PDE1C: variants seen among roughly 807,000 people sequenced by gnomAD.
PDE1C encodes phosphodiesterase 1C, also known as dual specificity calcium/calmodulin-dependent 3',5'-cyclic nucleotide phosphodiesterase 1C.
In PDE1C, 62 loss-of-function variants were observed where a neutral mutation model predicts 93.1. The ratio of observed to expected loss-of-function variants is 0.67; its 90% confidence interval spans 0.54 to 0.82. The LOEUF is 0.82. Among genes scored for constraint, PDE1C ranks in the 40% least tolerant of loss-of-function variants. The probability of loss-of-function intolerance (pLI) is 0.00; values close to 1 mark genes in which losing one functional copy is unlikely to be tolerated. For synonymous variants in PDE1C, 325 were observed against 310.1 expected (o/e 1.05, Z -0.50); for missense variants, 742 against 884.6 (o/e 0.84, Z 2.04).
chr7:32,221,092 C>G (rs904862112), intron 1 of PDE1C, among the ~76,000 whole-genome samples: 2 of 152,214 alleles, frequency 1.3e-5, no homozygotes, highest in Non-Finnish European at 2.9e-5. Context: ...TTGAGGACAA[C>G]TGTCATGAAC....
intron 2 of PDE1C, among the ~76,000 whole-genome samples, chr7:31,964,828 C>G (rs1222386479): frequency 6.6e-6 from 1 of 152,198 alleles, no homozygotes; most frequent in Non-Finnish European, 1.5e-5. Context: ...GCCACCGTTG[C>G]TGATACCCAG....
intron 1 of PDE1C, among the ~76,000 whole-genome samples, chr7:32,388,678 T>TAAAAAAAAAAAAAAAA: frequency 1.2e-5 from 1 of 81,590 alleles, no homozygotes; most frequent in Non-Finnish European, 2.1e-5. Flanking sequence ...GTCCCATTTC[T>TAAAAAAAAAAAAAAAA]AAAAAAAAAA....
intron 1 of PDE1C, among the ~76,000 whole-genome samples, chr7:32,245,958 T>TTTTTC (rs1808902130): frequency 2.8e-5 from 4 of 143,028 alleles, no homozygotes; most frequent in African/African-American, 1.0e-4. Context: ...GTGAATTTTC[T>TTTTTC]TTTTCTTTTC....
intron 2 of PDE1C, among the ~76,000 whole-genome samples, chr7:32,006,850 A>T (rs1374449985): frequency 6.6e-6 from 1 of 152,180 alleles, no homozygotes; most frequent in Non-Finnish European, 1.5e-5. Context: ...CCATCTATGG[A>T]GTCACCCAAG....
intron 1 of PDE1C, among the ~76,000 whole-genome samples, chr7:32,295,357 G>A (rs889512416): frequency 6.6e-6 from 1 of 152,210 alleles, no homozygotes; most frequent in African/African-American, 2.4e-5. Flanking sequence ...GATGTGGTTT[G>A]AATCCAACTC....
chr7:32,232,886 C>T (rs1035648617), intron 1 of PDE1C, among the ~76,000 whole-genome samples: 2 of 152,182 alleles, frequency 1.3e-5, no homozygotes, highest in Admixed American at 1.3e-4. Context: ...TCAATCCAAA[C>T]TCAACTGGGT....
intron 2 of PDE1C, among the ~76,000 whole-genome samples, chr7:31,899,371 C>T (rs574833101): frequency 1.8e-4 from 27 of 152,094 alleles, no homozygotes; most frequent in African/African-American, 6.5e-4. Flanking sequence ...ATCTCCTGAC[C>T]TCATGATCCA....
chr7:31,759,552 A>G (rs1276475607), intron 17 of PDE1C, among the ~76,000 whole-genome samples: 1 of 152,234 alleles, frequency 6.6e-6, no homozygotes, highest in African/African-American at 2.4e-5. Flanking sequence ...ATTTGCTTGG[A>G]GAAAATGATC....
chr7:31,846,188 C>T (rs527516313), intron 9 of PDE1C, among the ~76,000 whole-genome samples: 3 of 151,222 alleles, frequency 2.0e-5, no homozygotes, highest in East Asian at 3.9e-4. Context: ...TCCAAACATA[C>T]GTATGCTACT....
At chr7:31,763,449 G>A (rs202143324) in intron 17 of PDE1C, among the ~76,000 whole-genome samples, 3 of 152,220 alleles carry the variant, frequency 2.0e-5, no homozygotes, top group South Asian at 4.2e-4. Context: ...GGGAGAGGTG[G>A]GTGGTCTTAT....
At chr7:31,797,160 G>T (rs1172988762) in intron 16 of PDE1C, among the ~76,000 whole-genome samples, 1 of 151,700 alleles carries the variant, frequency 6.6e-6, no homozygotes, top group Non-Finnish European at 1.5e-5. Context: ...AAATGGCTAA[G>T]GGAAATGGGA....
At chr7:31,701,812 A>G in the PDE1C span, among the ~76,000 whole-genome samples, 2 of 152,244 alleles carry the variant, frequency 1.3e-5, no homozygotes, top group East Asian at 3.8e-4. Flanking sequence ...TTTTAGCAAT[A>G]AAGTATTTTT....
intron 13 of PDE1C, among the ~76,000 whole-genome samples, chr7:31,824,483 C>T (rs977397896): frequency 6.6e-6 from 1 of 152,054 alleles, no homozygotes; most frequent in African/African-American, 2.4e-5. Flanking sequence ...CTACTTCATT[C>T]TTTGTGCAAA....
intron 2 of PDE1C, among the ~76,000 whole-genome samples, chr7:31,925,652 GCAT>G (rs1336512086): frequency 1.3e-5 from 2 of 152,064 alleles, no homozygotes; most frequent in Non-Finnish European, 2.9e-5. Flanking sequence ...GAGACAATTT[GCAT>G]CATAATGTTT....
upstream of PDE1C, among the ~76,000 whole-genome samples, chr7:32,075,376 A>G (rs11760523): frequency 0.072 from 10,883 of 152,096 alleles, 424 homozygotes; most frequent in African/African-American, 0.084. Context: ...AAGTAGCACC[A>G]CCAGGCACAG....
intron 1 of PDE1C, among the ~76,000 whole-genome samples, chr7:32,209,970 G>A (rs1805880462): frequency 6.6e-6 from 1 of 152,178 alleles, no homozygotes; most frequent in Non-Finnish European, 1.5e-5. Flanking sequence ...ATCCATAGGG[G>A]CAAAGCTGAG....
At chr7:31,701,029 G>A in the PDE1C span, among the ~76,000 whole-genome samples, 10 of 152,196 alleles carry the variant, frequency 6.6e-5, no homozygotes, top group East Asian at 1.4e-3. Flanking sequence ...ATCTATTCTG[G>A]AGCCCCTGGA....
chr7:31,753,265 A>T lies in PDE1C; in HGVS notation c.*119T>A. ...TCATTTCACCTTGGTGGAGTCAACC[A>T]GGATAGTACCTGCTCCAACAGCCTC... On this transcript the variant is annotated 3_prime_UTR_variant, in exon 18 of 18. Transcript: ENST00000396191. 1 of 1,262,630 alleles carries T rather than the reference A, an allele frequency of 7.9e-7. No homozygotes were observed. The highest frequency in any genetic ancestry group is 1.1e-6 in the Non-Finnish European group (1 of 927,188). 78.2% of individuals were successfully genotyped at this position (1,262,630 alleles called of 1,614,324 possible). A position where few individuals can be genotyped will look rare whatever the true frequency, so the allele number is the denominator to read the frequency against.
chr7:31,831,679 T>C (rs1276181097), intron 11 of PDE1C, among the ~76,000 whole-genome samples: 1 of 148,788 alleles, frequency 6.7e-6, no homozygotes, highest in African/African-American at 2.5e-5. Context: ...AATAATAAAA[T>C]AAAGTGAAGA....
Sources: allele counts gnomAD v4.1 joint callset (sites outside exome capture counted in the v4.1 genomes callset), GRCh38; gene constraint gnomAD v4.1.1; transcripts MANE v1.5; gene names NCBI Gene and HGNC (gene_info 2026-07-23, HGNC 2026-07-21).